Variants in PLET1 observed in about 807,000 individuals in gnomAD.
PLET1 encodes placenta-expressed transcript 1 protein.
PLET1 carries 20 observed loss-of-function variants against 18.5 expected under a neutral mutation model. The ratio of observed to expected loss-of-function variants is 1.08; its 90% confidence interval spans 0.76 to 1.57. The LOEUF (loss-of-function observed/expected upper bound fraction) is 1.57, where lower values mean the gene tolerates loss of function less well. Ranked by LOEUF, PLET1 falls within the 40% of genes most tolerant of loss-of-function variation. PLET1 has a pLI of 0.00. For synonymous variants in PLET1, 93 were observed against 93.8 expected, an observed-to-expected ratio of 0.99 and a Z score of 0.05; for missense variants, 256 against 246.4, an observed-to-expected ratio of 1.04 and a Z score of -0.26.
chr11:112,253,319 T>C (rs780200436), intron 2 of PLET1, among the ~76,000 whole-genome samples: 102 of 152,150 alleles, frequency 6.7e-4, no homozygotes, highest in Non-Finnish European at 1.4e-3. Flanking sequence ...AGTAGGGACC[T>C]CTTCCCATCC....
chr11:112,257,325 C>T (rs1860233786), intron 1 of PLET1, among the ~76,000 whole-genome samples: 1 of 151,874 alleles, frequency 6.6e-6, no homozygotes, highest in Non-Finnish European at 1.5e-5. Flanking sequence ...CAACAGCTTG[C>T]TTATGTCCCA....
rs117879354 is a variant in PLET1 at position 112,259,049 on chromosome 11, C to T, written c.184+1357G>A. Among the ~76,000 whole-genome samples the T allele has an allele frequency of 6.6e-3, 1,008 of 152,250 alleles. 13 individuals carry two copies. The highest frequency in any genetic ancestry group is 7.9e-3 in the Non-Finnish European group (534 of 68,012). On this transcript the variant is annotated intron_variant, in intron 1 of 3. Coordinates refer to ENST00000338832, the MANE Select transcript of PLET1 (RefSeq NM_001145024.1). ...ACAGCTGGCTGGATAAAAAGCTGTA[C>T]GAGTTTTGGTTGTGCTATTTAGATT...
chr11:112,254,217 GT>G (rs1566828482), intron 2 of PLET1, among the ~76,000 whole-genome samples: 1,701 of 148,316 alleles, frequency 0.011, 37 homozygotes, highest in African/African-American at 0.038. Context: ...GTGTGTGTGT[GT>G]GAAAAGGGGG....
rs116288308 is a variant in PLET1 at position 112,249,950 on chromosome 11, C to T, written c.449-976G>A. On this transcript the variant is annotated intron_variant, in intron 3 of 3. Coordinates refer to ENST00000338832, the MANE Select transcript of PLET1 (RefSeq NM_001145024.1). ...CCAGTCTGGGTGAGAAAGTGAGACT[C>T]TGTCTCAAAAATTAAAAAAAAAAAA... Among the ~76,000 whole-genome samples, 720 of 121,952 alleles carry T rather than the reference C, an allele frequency of 5.9e-3. 8 individuals are homozygous for T. The highest frequency in any genetic ancestry group is 0.022 in the African/African-American group (683 of 31,760). 80.0% of individuals were successfully genotyped at this position (121,952 alleles called of 152,430 possible).
At chr11:112,252,580 C>T (rs1188176329) in intron 2 of PLET1, among the ~76,000 whole-genome samples, 171 bp from the exon 3 acceptor site, 1 of 152,142 alleles carries the variant, frequency 6.6e-6, no homozygotes, top group Non-Finnish European at 1.5e-5. Flanking sequence ...TAAGATCCTC[C>T]ACGATCTTGG....
chr11:112,253,599 G>A (rs932670028), intron 2 of PLET1, among the ~76,000 whole-genome samples: 12 of 152,216 alleles, frequency 7.9e-5, no homozygotes, highest in Non-Finnish European at 2.9e-5. Flanking sequence ...AATGATGTGA[G>A]ATGAAAAGAA....
chr11:112,258,168 T>G (rs1023836566), intron 1 of PLET1, among the ~76,000 whole-genome samples: 1 of 152,116 alleles, frequency 6.6e-6, no homozygotes, highest in African/African-American at 2.4e-5. Context: ...ACTGCTGTGA[T>G]CCCCTTCACC....
At chr11:112,253,450 A>C (rs1362345318) in intron 2 of PLET1, among the ~76,000 whole-genome samples, 4 of 152,122 alleles carry the variant, frequency 2.6e-5, no homozygotes, top group Non-Finnish European at 5.9e-5. Context: ...ATAAACAAGC[A>C]GGGAGGCCAG....
Position 112,260,554 on chromosome 11 carries a change from C to G in PLET1, c.36G>C (p.Leu12=). Residue 12 remains leucine (L), a synonymous_variant, in exon 1 of 4, where the codon CTG becomes CTC. Coordinates refer to ENST00000338832, the MANE Select transcript of PLET1 (RefSeq NM_001145024.1). ...GCAGACTGAGGCACAGAAACATCCC[C>G]AGTGGCTGCAGCAGCATGTCATGGA... ...AVFHDMLLQP[L]GMFLCLSLQL... is the part of the protein sequence containing the mutation. 2 of 1,551,600 alleles carry G rather than the reference C, an allele frequency of 1.3e-6. No individual in the cohort carries two copies. Among genetic ancestry groups the G allele is most frequent in the Non-Finnish European group, 1.7e-6 (2 of 1,146,960 alleles).
intron 2 of PLET1, among the ~76,000 whole-genome samples, chr11:112,253,771 G>T (rs1860182724): frequency 6.6e-6 from 1 of 152,186 alleles, no homozygotes; most frequent in South Asian, 2.1e-4. Context: ...AGTGCATGGA[G>T]GGAGAGGGCA....
chr11:112,259,489 A>T (rs946799478), intron 1 of PLET1, among the ~76,000 whole-genome samples: 2 of 152,236 alleles, frequency 1.3e-5, no homozygotes, highest in East Asian at 1.9e-4. Flanking sequence ...TATATAAAAA[A>T]TATCTACTGG....
chr11:112,255,445 A>G lies in PLET1; in HGVS notation c.329T>C (p.Val110Ala). 6.4e-7 allele frequency: 1 copy of G among 1,552,300 alleles called. No individual in the cohort carries two copies. The change falls in exon 2 of 4, where the codon GTC becomes GCC. Residue 110 changes from valine (V) to alanine (A), a missense_variant. Physicochemically the swap from Val to Ala is moderately conservative, Grantham distance 64. Transcript: ENST00000338832. ...AGGAGCTTGCCACTGTGCCTCTAAG[A>G]CCGTCATGTATTGATCTTTCACGTA... ...TYYVKDQYMTVLEAQWQAPEP... is the reference protein window; with the variant it reads ...TYYVKDQYMTALEAQWQAPEP...
chr11:112,252,030 G>A (rs1860162318), intron 3 of PLET1, among the ~76,000 whole-genome samples: 1 of 152,206 alleles, frequency 6.6e-6, no homozygotes. Context: ...TGAGGAAGAT[G>A]TTTTCACATT....
chr11:112,260,344 T>C (rs2135420119), intron 1 of PLET1, 62 bp downstream of exon 1: 1 of 1,443,804 alleles, frequency 6.9e-7, no homozygotes, highest in Non-Finnish European at 9.4e-7. Flanking sequence ...GGGTGTGTTC[T>C]GAAATTCTGG....
chr11:112,255,049 G>A lies in PLET1; in HGVS notation c.386+339C>T, dbSNP rs561018019. Among the ~76,000 whole-genome samples the A allele has an allele frequency of 7.2e-4, 91 of 126,848 alleles. 1 individual carries two copies. The highest frequency in any genetic ancestry group is 2.8e-3 in the South Asian group (10 of 3,558). 83.2% of individuals were successfully genotyped at this position (126,848 alleles called of 152,430 possible). The stretch of plus-strand genomic sequence containing the variant: ...AGCGTATGTGGTGTGTGTGGGGTGC[G>A]TGTGGTATGTGTGTGTGTGTGGTGT... On this transcript the variant is annotated intron_variant, in intron 2 of 3. Coordinates refer to ENST00000338832, the MANE Select transcript of PLET1 (RefSeq NM_001145024.1).
In PLET1 at chr11:112,260,643, T is replaced by C; in HGVS notation, c.-54A>G. 6.9e-7 allele frequency: 1 copy of C among 1,454,984 alleles called. No homozygotes were observed. Among genetic ancestry groups the C allele is most frequent in the Non-Finnish European group, 9.3e-7 (1 of 1,073,442 alleles). 90.1% of individuals were successfully genotyped at this position (1,454,984 alleles called of 1,614,324 possible). ...CCTGGAATTGGGTGAAACTGACAAC[T>C]CACCTCTTGTTTATATGCCAGGGCT... On this transcript the variant is annotated 5_prime_UTR_variant, in exon 1 of 4. The change abolishes the stop of an existing upstream ORF in the 5' untranslated region. Transcript: ENST00000338832.
Position 112,248,727 on chromosome 11 carries a change from C to T in PLET1, c.*72G>A. 6.8e-7 allele frequency: 1 copy of T among 1,478,102 alleles called. No individual in the cohort carries two copies. Among genetic ancestry groups the T allele is most frequent in the Non-Finnish European group, 9.1e-7 (1 of 1,093,276 alleles). 91.6% of individuals were successfully genotyped at this position (1,478,102 alleles called of 1,614,324 possible). On this transcript the variant is annotated 3_prime_UTR_variant, in exon 4 of 4. Transcript: ENST00000338832. ...AGCCTTCATTTACACACATTCGGTT[C>T]CCAGCACTAGCTTGGAACTGAATGT...
At chr11:112,251,136 T>G (rs913545333) in intron 3 of PLET1, among the ~76,000 whole-genome samples, 3 of 152,180 alleles carry the variant, frequency 2.0e-5, no homozygotes, top group African/African-American at 7.2e-5. Flanking sequence ...TCAAAAACAA[T>G]GTATTTTTAT....
At chr11:112,249,407 T>A (rs1233251119) in intron 3 of PLET1, among the ~76,000 whole-genome samples, 1 of 152,128 alleles carries the variant, frequency 6.6e-6, no homozygotes, top group East Asian at 1.9e-4. Context: ...AAGAACCAGA[T>A]CCAATCCAGA....
Sources: allele counts gnomAD v4.1 joint callset (sites outside exome capture counted in the v4.1 genomes callset), GRCh38; gene constraint gnomAD v4.1.1; transcripts MANE v1.5; gene names NCBI Gene and HGNC (gene_info 2026-07-23, HGNC 2026-07-21).